Variants in KDM6A observed in about 807,000 individuals in gnomAD.
KDM6A encodes the protein lysine-specific demethylase 6A.
A neutral mutation model predicts 117.6 loss-of-function variants in KDM6A; 11 were observed. The ratio of observed to expected loss-of-function variants is 0.09; its 90% CI spans 0.06 to 0.15. The LOEUF is 0.15. Ranked by LOEUF, KDM6A falls within the 10% of genes least tolerant of loss-of-function variation. The probability of loss-of-function intolerance (pLI) is 1.00; values close to 1 mark genes in which losing one functional copy is unlikely to be tolerated. For synonymous variants in KDM6A, 384 were observed against 396.1 expected (o/e 0.97, Z 0.36); for missense variants, 799 against 1,077.3 (o/e 0.74, Z 3.62).
Position 45,034,975 on chromosome X carries a change from C to T in KDM6A, c.609C>T (p.Ser203=), listed in dbSNP as rs1351682808. 5.9e-6 allele frequency: 7 copies of T among 1,192,597 alleles called. No homozygotes were observed. The highest frequency in any genetic ancestry group is 8.0e-6 in the Non-Finnish European group (7 of 879,325). The change falls in exon 7 of 30, where the codon TCC becomes TCT. Residue 203 remains serine, a synonymous_variant. Coordinates refer to ENST00000611820, the MANE Select transcript of KDM6A (RefSeq NM_001291415.2). ...TTGACTGTAATCCCTGCACTTTGTC[C>T]AATGCTGAAAGTAAGTATTATTAAG... ...ALVDCNPCTL[S]NAEIQFHIAH...
intron 3 of KDM6A, among the ~76,000 whole-genome samples, chrX:44,972,388 CCTTT>C (rs1300870931): frequency 9.2e-6 from 1 of 108,444 alleles, no homozygotes; most frequent in African/African-American, 3.5e-5. Context: ...TGTTCTCTTG[CCTTT>C]CTTTCTTTTT....
intron 27 of KDM6A, among the ~76,000 whole-genome samples, chrX:45,101,633 TGA>T (rs1157771776): frequency 2.7e-5 from 3 of 111,187 alleles, no homozygotes; most frequent in African/African-American, 9.8e-5. Context: ...CCAATAGTGC[TGA>T]GATTGAAAAA....
In KDM6A at chrX:45,053,848, A is replaced by G. The variant is rs780246830; in HGVS notation, c.768A>G (p.Val256=). The change falls in exon 10 of 30, where the codon GTA becomes GTG. Residue 256 remains valine (V), a synonymous_variant. Coordinates refer to ENST00000611820, the MANE Select transcript of KDM6A (RefSeq NM_001291415.2). ...LQQLGWMHHT[V]DLLGDKATKE... ...CTGTAGGTTGGATGCATCACACTGT[A>G]GATCTCCTGGGAGATAAAGCCACCA... 7.5e-6 allele frequency: 9 copies of G among 1,195,302 alleles called. No homozygotes were observed. Among genetic ancestry groups the G allele is most frequent in the Non-Finnish European group, 1.0e-5 (9 of 880,459 alleles).
chrX:45,001,617 AAT>A (rs1212745375), intron 4 of KDM6A, among the ~76,000 whole-genome samples: 2 of 112,017 alleles, frequency 1.8e-5, no homozygotes, highest in Non-Finnish European at 3.8e-5. Flanking sequence ...CATCAAATGC[AAT>A]AGTTTGAGGC....
At chrX:45,036,020 G>T (rs1343691345) in intron 7 of KDM6A, among the ~76,000 whole-genome samples, 1 of 112,234 alleles carries the variant, frequency 8.9e-6, no homozygotes, top group Non-Finnish European at 1.9e-5. Context: ...TTTTTAATTG[G>T]TATAAGAAAA....
chrX:45,033,750 A>G (rs1306758251), intron 6 of KDM6A, among the ~76,000 whole-genome samples: 3 of 109,815 alleles, frequency 2.7e-5, no homozygotes, highest in African/African-American at 1.0e-4. Context: ...ATGGGGTTTC[A>G]GTATATTGGT....
chrX:45,031,223 TTG>T (rs2042590545), intron 6 of KDM6A, among the ~76,000 whole-genome samples: 2 of 111,698 alleles, frequency 1.8e-5, no homozygotes, highest in South Asian at 7.3e-4. Context: ...TGTTATGGAG[TTG>T]TCTTTCCTGT....
chrX:44,885,536 T>A (rs772910855), intron 2 of KDM6A, among the ~76,000 whole-genome samples: 2 of 109,562 alleles, frequency 1.8e-5, no homozygotes, highest in Non-Finnish European at 3.8e-5. Context: ...ATACTAAAAT[T>A]GGAACAATAC....
intron 2 of KDM6A, among the ~76,000 whole-genome samples, chrX:44,886,730 A>T (rs2032921139): frequency 9.2e-6 from 1 of 108,879 alleles, no homozygotes; most frequent in Non-Finnish European, 1.9e-5. Flanking sequence ...ACCTCAGTTG[A>T]TCCACCCGCC....
intron 2 of KDM6A, among the ~76,000 whole-genome samples, chrX:44,913,150 G>C (rs890401542): frequency 2.7e-5 from 3 of 111,797 alleles, no homozygotes; most frequent in Admixed American, 9.5e-5. Context: ...TGGAGATGAC[G>C]ATGATGAAGA....
chrX:45,031,555 T>C (rs888546708), intron 6 of KDM6A, among the ~76,000 whole-genome samples: 1 of 112,191 alleles, frequency 8.9e-6, no homozygotes, highest in African/African-American at 3.2e-5. Flanking sequence ...GTTTGCAGGT[T>C]GTTGCCTACA....
chrX:45,063,577 C>T lies in KDM6A; in HGVS notation c.1839C>T (p.Ala613=), dbSNP rs754692168. 1.2e-5 allele frequency: 14 copies of T among 1,211,886 alleles called. No homozygotes were observed. The Admixed American group carries it at 3.0e-4, about 26-fold the overall frequency. The part of the protein sequence containing the change: ...PSVSQPGVRP[A]CPGQPLANGP... ...TCTCTCAGCCTGGAGTCCGTCCTGCCTGCCCTGGGCAGCCTTTGGCCAATG... is the reference window on the plus strand; with the variant it reads ...TCTCTCAGCCTGGAGTCCGTCCTGCTTGCCCTGGGCAGCCTTTGGCCAATG... The change falls in exon 17 of 30, where the codon GCC becomes GCT. Residue 613 remains alanine (A), a synonymous_variant. Transcript: ENST00000611820.
chrX:44,916,665 A>G (rs2035578871), intron 2 of KDM6A, among the ~76,000 whole-genome samples: 1 of 110,478 alleles, frequency 9.1e-6, no homozygotes, highest in African/African-American at 3.3e-5. Flanking sequence ...TTTTTTATTT[A>G]GAGACCGGGT....
chrX:45,089,038 G>A (rs377191652), intron 25 of KDM6A, among the ~76,000 whole-genome samples: 2 of 111,829 alleles, frequency 1.8e-5, no homozygotes, highest in East Asian at 5.6e-4. Flanking sequence ...CAGTGTTCCT[G>A]TTTATGGATT....
rs191921810 is a variant in KDM6A at position 44,880,545 on chromosome X, C to G, written c.225+6558C>G. 2.8e-5 allele frequency among the ~76,000 whole-genome samples: 3 copies of G among 107,417 alleles called. No homozygotes were observed. The East Asian group carries it at 8.8e-4, about 31-fold the overall frequency. 93.3% of individuals were successfully genotyped at this position (107,417 alleles called of 115,157 possible). A position where few individuals can be genotyped will look rare whatever the true frequency, so the allele number is the denominator to read the frequency against. ...GTGGCTCGTGCCTGTAATCCCAGCA[C>G]TTTGGGAGACTGAGGCGGATGGATC... On this transcript the variant is annotated intron_variant, in intron 2 of 29. Transcript: ENST00000611820.
chrX:44,908,612 G>T (rs773394233), intron 2 of KDM6A, among the ~76,000 whole-genome samples: 21 of 111,445 alleles, frequency 1.9e-4, no homozygotes, highest in Non-Finnish European at 3.2e-4. Flanking sequence ...GTAGAAAGCT[G>T]CATGTCCTTT....
chrX:45,006,623 A>G (rs184882107), intron 4 of KDM6A, among the ~76,000 whole-genome samples: 2 of 111,065 alleles, frequency 1.8e-5, no homozygotes, highest in East Asian at 5.7e-4. Flanking sequence ...AATGGTTATG[A>G]CAGAGCAGGT....
At chrX:44,961,104 A>G (rs928978197) in intron 2 of KDM6A, among the ~76,000 whole-genome samples, 180 bp from the exon 3 acceptor site, 2 of 111,816 alleles carry the variant, frequency 1.8e-5, no homozygotes, top group Non-Finnish European at 3.8e-5. Flanking sequence ...TCTTTTAATA[A>G]ATACATAGGG....
At chrX:44,938,112 A>C (rs2037081552) in intron 2 of KDM6A, among the ~76,000 whole-genome samples, 1 of 111,648 alleles carries the variant, frequency 9.0e-6, no homozygotes, top group African/African-American at 3.3e-5. Flanking sequence ...AGTAGCTGGG[A>C]TGACAGGTAC....
Sources: gnomAD v4.1 joint callset for allele counts (sites outside exome capture counted in the v4.1 genomes callset) on GRCh38, gnomAD v4.1.1 for gene constraint, MANE v1.5 for transcripts, NCBI Gene and HGNC (gene_info 2026-07-23, HGNC 2026-07-21) for gene names.